The following IGSF11 variants were observed in gnomAD, a reference collection of about 807,000 sequenced individuals.
The protein encoded by IGSF11 is immunoglobulin superfamily member 11, also known as CXADR like 1.
IGSF11 carries 22 observed loss-of-function variants against 41.0 expected under a neutral mutation model. That is an observed-to-expected ratio of 0.54 (90% confidence interval 0.38 to 0.77). The LOEUF (loss-of-function observed/expected upper bound fraction) is 0.77, where lower values mean the gene tolerates loss of function less well. Ranked by LOEUF, IGSF11 falls within the 30% of genes least tolerant of loss-of-function variation. The pLI, the probability that IGSF11 is intolerant of heterozygous loss-of-function variation, is 0.00. For synonymous variants in IGSF11, 219 were observed against 201.3 expected (o/e 1.09, Z -0.74); for missense variants, 444 against 530.8 (o/e 0.84, Z 1.61).
At chr3:119,058,222 C>A (rs944903746) in intron 1 of IGSF11, among the ~76,000 whole-genome samples, 1 of 152,064 alleles carries the variant, frequency 6.6e-6, no homozygotes, top group African/African-American at 2.4e-5. Flanking sequence ...GCAACCTACT[C>A]ATCTGACAAA....
chr3:119,061,783 T>C (rs996106766), intron 1 of IGSF11, among the ~76,000 whole-genome samples: 12 of 151,774 alleles, frequency 7.9e-5, no homozygotes, highest in African/African-American at 2.9e-4. Flanking sequence ...CTATAGTTTT[T>C]TTTTTTCAGT....
intron 1 of IGSF11, among the ~76,000 whole-genome samples, chr3:119,087,583 A>G (rs2107490044): frequency 6.6e-6 from 1 of 152,150 alleles, no homozygotes; most frequent in Non-Finnish European, 1.5e-5. Flanking sequence ...TGAGGACGCA[A>G]ATGTGTAAGA....
intron 1 of IGSF11, among the ~76,000 whole-genome samples, chr3:119,092,387 G>A (rs1484432659): frequency 6.6e-6 from 1 of 152,014 alleles, no homozygotes; most frequent in Non-Finnish European, 1.5e-5. Context: ...ACCAGGCTGA[G>A]TGCAGTGGCG....
intron 1 of IGSF11, among the ~76,000 whole-genome samples, chr3:119,141,107 AC>A (rs2077642839): frequency 1.3e-5 from 2 of 151,538 alleles, no homozygotes; most frequent in Admixed American, 1.3e-4. Context: ...AGATAAATCA[AC>A]AGAAAAAATT....
intron 1 of IGSF11, among the ~76,000 whole-genome samples, chr3:119,138,356 G>A (rs1333482116): frequency 2.0e-5 from 3 of 151,992 alleles, no homozygotes; most frequent in Admixed American, 1.3e-4. Context: ...TTTTAAATGT[G>A]GTATATATAT....
intron 1 of IGSF11, among the ~76,000 whole-genome samples, chr3:118,965,832 T>C (rs1276276732): frequency 1.3e-5 from 2 of 152,090 alleles, no homozygotes; most frequent in Non-Finnish European, 2.9e-5. Flanking sequence ...TATTAAAACA[T>C]GTTTACTGCA....
rs542863785 is a variant in IGSF11, at chr3:119,124,893, T to C, written c.-13-19688A>G. Among the ~76,000 whole-genome samples, 12 of 151,982 alleles carry C rather than the reference T, an allele frequency of 7.9e-5. No individual in the cohort carries two copies. The East Asian group carries it at 2.3e-3, about 30-fold the overall frequency. ...TAATCAAACTCCCAAAGGTCAAGTA[T>C]AAAGGATCCTAAAAGCAGCAAGAGA... On this transcript the variant is annotated intron_variant, in intron 1 of 7. Coordinates refer to the IGSF11 transcript ENST00000425327.
intron 3 of IGSF11, 21 bp from the exon 4 acceptor site, chr3:118,926,277 A>C: frequency 1.3e-6 from 2 of 1,550,448 alleles, no homozygotes; most frequent in Non-Finnish European, 1.8e-6. Context: ...AAGAATAAGC[A>C]ATAAAGTACA....
chr3:119,108,984 A>G (rs1238305324), upstream of IGSF11, among the ~76,000 whole-genome samples: 1,693 of 118,550 alleles, frequency 0.014, 5 homozygotes, highest in Admixed American at 0.029. Context: ...TGCTGGATTC[A>G]GTTTGCCAGT....
In IGSF11 at chr3:118,902,465, C is replaced by CCCA; in HGVS notation, c.*54_*55insTGG. On this transcript the variant is annotated 3_prime_UTR_variant, in exon 7 of 7. Coordinates refer to ENST00000393775, the MANE Select transcript of IGSF11 (RefSeq NM_001015887.3). ...CCAGCACTCCCCACCCCACCCTCCC[C>CCCA]CTTGTATGAGGGCATTCCATTTATT... 12 of 823,838 alleles carry CCCA rather than the reference C, an allele frequency of 1.5e-5. No homozygotes were observed. The highest frequency in any genetic ancestry group is 5.0e-5 in the African/African-American group (3 of 59,500). The allele number at this position is 823,838 out of a possible 1,614,324, so 51.0% of individuals were successfully genotyped here.
At chr3:119,091,630 C>G (rs1308250747) in intron 1 of IGSF11, among the ~76,000 whole-genome samples, 2 of 152,156 alleles carry the variant, frequency 1.3e-5, no homozygotes, top group Non-Finnish European at 2.9e-5. Context: ...TGCATGTTCT[C>G]ACTTATAACT....
At chr3:119,124,113 T>G (rs1462623174) in intron 1 of IGSF11, among the ~76,000 whole-genome samples, 1 of 152,042 alleles carries the variant, frequency 6.6e-6, no homozygotes, top group South Asian at 2.1e-4. Flanking sequence ...AAATTCAAGA[T>G]TTCTTTGAAG....
chr3:119,125,486 G>A (rs1016519046), intron 1 of IGSF11, among the ~76,000 whole-genome samples: 30 of 152,100 alleles, frequency 2.0e-4, no homozygotes, highest in African/African-American at 6.5e-4. Context: ...ATTCACAAGG[G>A]CGGGGAGGAA....
rs62275716 is a variant in IGSF11, at chr3:118,905,522, C to G, written c.703+74G>C. 3 of 1,493,224 alleles carry G rather than the reference C, an allele frequency of 2.0e-6. No homozygotes were observed. The East Asian group carries it at 6.8e-5, about 34-fold the overall frequency. The allele number at this position is 1,493,224 out of a possible 1,614,324, so 92.5% of individuals were successfully genotyped here. A position where few individuals can be genotyped will look rare whatever the true frequency, so the allele number is the denominator to read the frequency against. ...TAACCTTAAGACAATTCAGCAGAAC[C>G]CTTCATTTTCTGGTATAACAAAGAT... On this transcript the variant is annotated intron_variant, in intron 5 of 6. Transcript: ENST00000393775.
chr3:118,994,412 T>A (rs1378936048), intron 1 of IGSF11, among the ~76,000 whole-genome samples: 1 of 152,140 alleles, frequency 6.6e-6, no homozygotes, highest in Non-Finnish European at 1.5e-5. Flanking sequence ...ACCCTAGCAC[T>A]TTGGGTGGCT....
At chr3:118,954,111 A>G (rs182375961) in intron 1 of IGSF11, among the ~76,000 whole-genome samples, 2 of 152,122 alleles carry the variant, frequency 1.3e-5, no homozygotes, top group East Asian at 3.9e-4. Context: ...TCATTCTTCT[A>G]TTACATGTAC....
chr3:119,007,575 T>C (rs772028395), intron 1 of IGSF11, among the ~76,000 whole-genome samples: 1 of 152,116 alleles, frequency 6.6e-6, no homozygotes, highest in African/African-American at 2.4e-5. Flanking sequence ...TTAGACTAAA[T>C]TGAAGGAATT....
intron 1 of IGSF11, among the ~76,000 whole-genome samples, chr3:119,069,182 C>A (rs1475463687): frequency 6.6e-6 from 1 of 152,070 alleles, no homozygotes; most frequent in Non-Finnish European, 1.5e-5. Flanking sequence ...CCTGCCTCAG[C>A]CTCCCAAAGT....
Position 119,000,686 on chromosome 3 carries a change from C to T in IGSF11, c.52+33845G>A, listed in dbSNP as rs945380717. 2.0e-5 allele frequency among the ~76,000 whole-genome samples: 3 copies of T among 152,164 alleles called. No homozygotes were observed. In the South Asian group the frequency reaches 6.2e-4, roughly 31 times the overall value. On this transcript the variant is annotated intron_variant, in intron 1 of 6. Coordinates refer to ENST00000393775, the MANE Select transcript of IGSF11 (RefSeq NM_001015887.3). ...CTGAATTATTCCAGTAGTGTGTCCT[C>T]TTAATCAGGATGATAATTTTGAAGA...
Sources: gnomAD v4.1 joint callset for allele counts (sites outside exome capture counted in the v4.1 genomes callset) on GRCh38, gnomAD v4.1.1 for gene constraint, MANE v1.5 for transcripts, NCBI Gene and HGNC (gene_info 2026-07-23, HGNC 2026-07-21) for gene names.